The following EEA1 variants were observed in gnomAD, a reference collection of about 807,000 sequenced individuals.
The protein encoded by EEA1 is early endosome antigen 1, 162kD.
Under a neutral mutation model 209.2 loss-of-function variants are expected in EEA1, and 111 were observed. That is an observed-to-expected ratio of 0.53 (90% CI 0.45 to 0.62). The LOEUF (loss-of-function observed/expected upper bound fraction) is 0.62, where lower values mean the gene tolerates loss of function less well. Ranked by LOEUF, EEA1 falls within the 20% of genes least tolerant of loss-of-function variation. EEA1 has a pLI of 0.00. For synonymous variants in EEA1, 536 were observed against 540.6 expected, an observed-to-expected ratio of 0.99 and a Z score of 0.12; for missense variants, 1,343 against 1,530.8, an observed-to-expected ratio of 0.88 and a Z score of 2.05.
At position 92,787,964 on chromosome 12, in the gene EEA1, T is replaced by C; in HGVS notation, c.3053A>G (p.Gln1018Arg). ...TTCCTGACTTTTTTCATAGTTGTTT[T>C]GTAATACTGATATTTTCTCTTTCTC... ...AAEKEKISVL[Q>R]NNYEKSQETF... The change falls in exon 22 of 29, where the codon CAA becomes CGA. Residue 1018 changes from glutamine (Q) to arginine (R), a missense_variant. By Grantham distance (43) the Gln-to-Arg change is conservative. Coordinates refer to ENST00000322349, the MANE Select transcript of EEA1 (RefSeq NM_003566.4). 6.2e-7 allele frequency: 1 copy of C among 1,613,388 alleles called. No individual in the cohort carries two copies. The highest frequency in any genetic ancestry group is 8.5e-7 in the Non-Finnish European group (1 of 1,179,680).
chr12:92,913,699 C>A (rs1880663280), intron 1 of EEA1, among the ~76,000 whole-genome samples: 1 of 152,136 alleles, frequency 6.6e-6, no homozygotes, highest in African/African-American at 2.4e-5. Flanking sequence ...CTTGCTCTGT[C>A]ACCCGGGCTG....
rs143793595 is a variant in EEA1 at position 92,801,602 on chromosome 12, C to G, written c.2770G>C (p.Glu924Gln). The change falls in exon 20 of 29, where the codon GAG (glutamate) becomes CAG (glutamine). Residue 924 changes from glutamate (E) to glutamine (Q), a missense_variant and splice_region_variant. Coordinates refer to ENST00000322349, the MANE Select transcript of EEA1 (RefSeq NM_003566.4). ...ELKKSLEKEK[E>Q]ASHQLKLELN... is the part of the protein sequence containing the mutation. ...ATGTTACAAAAAAAAAATCTTACCT[C>G]CTTCTCTTTTTCAAGTGACTTTTTC... 1 of 1,577,854 alleles carries G rather than the reference C, an allele frequency of 6.3e-7. No homozygotes were observed. The highest frequency in any genetic ancestry group is 1.9e-5 in the Admixed American group (1 of 52,736).
chr12:92,876,364 A>G (rs1343678189), intron 2 of EEA1, among the ~76,000 whole-genome samples: 1 of 152,144 alleles, frequency 6.6e-6, no homozygotes, highest in Non-Finnish European at 1.5e-5. Flanking sequence ...TGCCTGGCCA[A>G]TACATGTTTA....
chr12:92,905,917 T>TA (rs1491300052), intron 1 of EEA1, among the ~76,000 whole-genome samples: 2 of 151,748 alleles, frequency 1.3e-5, no homozygotes, highest in East Asian at 1.9e-4. Context: ...TATATATATA[T>TA]TTTTAATAGG....
intron 9 of EEA1, among the ~76,000 whole-genome samples, chr12:92,850,386 C>T (rs1394831221): frequency 6.6e-6 from 1 of 152,022 alleles, no homozygotes; most frequent in Non-Finnish European, 1.5e-5. Flanking sequence ...ATTCAAAGTC[C>T]ATCAATTAGA....
Position 92,830,442 on chromosome 12 carries a change from T to C in EEA1, c.1254+2070A>G, listed in dbSNP as rs147262058. 4.5e-3 allele frequency among the ~76,000 whole-genome samples: 684 copies of C among 152,246 alleles called. 3 individuals carry two copies. The highest frequency in any genetic ancestry group is 7.0e-3 in the Non-Finnish European group (475 of 68,012). On this transcript the variant is annotated intron_variant, in intron 11 of 28. Transcript: ENST00000322349. ...TGTGGTATTTGATTTTCTGTTCCTA[T>C]ATTAGCTCGCTTAGGACAATGGCCT...
At chr12:92,894,662 T>C (rs1277452079) in intron 1 of EEA1, among the ~76,000 whole-genome samples, 2 of 152,192 alleles carry the variant, frequency 1.3e-5, no homozygotes, top group Admixed American at 6.5e-5. Context: ...ATGAGGAAGC[T>C]GCAGAAGAAA....
intron 1 of EEA1, 92 bp from the exon 2 acceptor site, chr12:92,891,813 A>T: frequency 6.0e-6 from 5 of 830,100 alleles, no homozygotes; most frequent in South Asian, 1.7e-5. Flanking sequence ...TTTTCACATA[A>T]GAAAAGTAGA....
intron 2 of EEA1, among the ~76,000 whole-genome samples, chr12:92,871,243 T>G (rs556025499): frequency 6.6e-6 from 1 of 152,180 alleles, no homozygotes; most frequent in Non-Finnish European, 1.5e-5. Context: ...CACGCAGACT[T>G]CCCAAGAGCC....
intron 1 of EEA1, among the ~76,000 whole-genome samples, chr12:92,916,517 G>A (rs1038503162): frequency 2.0e-5 from 3 of 149,192 alleles, no homozygotes; most frequent in Non-Finnish European, 4.4e-5. Flanking sequence ...GCTGGGCGCA[G>A]TACCACACAC....
chr12:92,779,270 G>A lies in EEA1; in HGVS notation c.3499C>T (p.Leu1167Phe), dbSNP rs1873794707. 4 of 1,606,438 alleles carry A rather than the reference G, an allele frequency of 2.5e-6. No homozygotes were observed. Among genetic ancestry groups the A allele is most frequent in the Non-Finnish European group, 3.4e-6 (4 of 1,177,964 alleles). ...AGTTCTAATTTCTGCTGAATTAGAA[G>A]CTGTTTAGCATCTTTAAGATTTGTT... The part of the protein sequence containing the change: ...EITNLKDAKQ[L>F]LIQQKLELQG... The change falls in exon 25 of 29, where the codon CTT becomes TTT. Residue 1167 changes from leucine (L) to phenylalanine (F), a missense_variant. By Grantham distance (22) the Leu-to-Phe change is conservative. Around this residue, in one of 3 missense-constraint regions of EEA1, gnomAD observed 1,307 missense variants for 1,465.5 expected, o/e 0.89. Transcript: ENST00000322349.
intron 1 of EEA1, among the ~76,000 whole-genome samples, chr12:92,898,088 T>C (rs1030086365): frequency 1.3e-5 from 2 of 152,186 alleles, no homozygotes; most frequent in Admixed American, 6.5e-5. Flanking sequence ...GCCTATATAC[T>C]TGTATAATTT....
intron 10 of EEA1, among the ~76,000 whole-genome samples, chr12:92,838,105 T>C (rs1294113019): frequency 1.3e-5 from 2 of 152,180 alleles, no homozygotes; most frequent in African/African-American, 4.8e-5. Context: ...TTAAGATTAG[T>C]AGAAGGTCTT....
rs144802127 is a variant in EEA1, at chr12:92,855,886, C to T, written c.366+1389G>A. On this transcript the variant is annotated intron_variant, in intron 5 of 28. Coordinates refer to ENST00000322349, the MANE Select transcript of EEA1 (RefSeq NM_003566.4). ...TTTCAGATACAGAAAAGAATACAGC[C>T]CATACTCAATTAATTATTAATGGCA... 8.0e-3 allele frequency among the ~76,000 whole-genome samples: 1,213 copies of T among 152,168 alleles called. 25 individuals carry two copies. The highest frequency in any genetic ancestry group is 0.027 in the African/African-American group (1,116 of 41,508).
chr12:92,900,225 C>A (rs928563912), intron 1 of EEA1, among the ~76,000 whole-genome samples: 2 of 152,154 alleles, frequency 1.3e-5, no homozygotes, highest in African/African-American at 4.8e-5. Context: ...AGGAGATATA[C>A]TCATTTCAGA....
intron 18 of EEA1, among the ~76,000 whole-genome samples, chr12:92,803,247 C>T (rs1323838422): frequency 6.6e-6 from 1 of 151,806 alleles, no homozygotes; most frequent in Non-Finnish European, 1.5e-5. Flanking sequence ...ATTTTATTTA[C>T]AATATAGAGG....
At chr12:92,897,046 GT>G (rs1879915299) in intron 1 of EEA1, among the ~76,000 whole-genome samples, 1 of 152,116 alleles carries the variant, frequency 6.6e-6, no homozygotes, top group Non-Finnish European at 1.5e-5. Context: ...GCGTGGTGGC[GT>G]TCACCTGTAG....
chr12:92,811,598 T>C (rs1875513531), intron 16 of EEA1, among the ~76,000 whole-genome samples, 164 bp from the exon 17 acceptor site: 1 of 152,178 alleles, frequency 6.6e-6, no homozygotes, highest in Non-Finnish European at 1.5e-5. Context: ...TACCTACCAA[T>C]ATAAACGACA....
chr12:92,790,997 C>T (rs1445819241), intron 21 of EEA1, among the ~76,000 whole-genome samples: 1 of 152,146 alleles, frequency 6.6e-6, no homozygotes, highest in Non-Finnish European at 1.5e-5. Context: ...CAATTTTCAA[C>T]CCAGAATTTC....
Sources: allele counts gnomAD v4.1 joint callset (sites outside exome capture counted in the v4.1 genomes callset), GRCh38; gene constraint gnomAD v4.1.1; regional missense constraint gnomAD v4.1.1; transcripts MANE v1.5; gene names NCBI Gene and HGNC (gene_info 2026-07-23, HGNC 2026-07-21).